The following DERL1 variants were observed in gnomAD, a reference collection of about 807,000 sequenced individuals.
DERL1 encodes the protein derlin 1.
Under a neutral mutation model 41.6 loss-of-function variants are expected in DERL1, and 24 were observed. The ratio of observed to expected loss-of-function variants is 0.58; its 90% confidence interval spans 0.42 to 0.81. The LOEUF is 0.81. DERL1 is among the 30% of genes least tolerant of loss of function. The pLI is 0.00. For missense variants in DERL1, 260 were observed against 314.3 expected (o/e 0.83, Z 1.31); for synonymous variants, 124 against 112.5 (o/e 1.10, Z -0.65).
chr8:123,025,119 A>T (rs1347495619), intron 2 of DERL1, 69 bp from the exon 3 acceptor site: 1 of 1,507,008 alleles, frequency 6.6e-7, no homozygotes, highest in Non-Finnish European at 9.0e-7. Context: ...ACATAGAGAA[A>T]CACTTCAAAA....
intron 1 of DERL1, among the ~76,000 whole-genome samples, chr8:123,031,085 G>A (rs1812808630): frequency 6.6e-6 from 1 of 152,078 alleles, no homozygotes; most frequent in Admixed American, 6.5e-5. Context: ...CTCTATTTAG[G>A]GAAAGAATAT....
At chr8:123,040,199 C>T (rs1813015715) in intron 1 of DERL1, among the ~76,000 whole-genome samples, 1 of 152,036 alleles carries the variant, frequency 6.6e-6, no homozygotes, top group Non-Finnish European at 1.5e-5. Flanking sequence ...GCCTGGGCAA[C>T]AGAGCGAGAC....
In DERL1 at chr8:123,042,045, G is replaced by A; in HGVS notation, c.78C>T (p.Pro26=). Residue 26 remains proline, a synonymous_variant, in exon 1 of 8, where the codon CCC becomes CCT. Coordinates refer to ENST00000259512, the MANE Select transcript of DERL1 (RefSeq NM_024295.6). ...TGATGAGGCCGAGTTTGCCGACCAA[G>A]GGCACGGCGACGGTGGCGGCGAACC... ...RYWFAATVAV[P]LVGKLGLISP... is the part of the protein sequence containing the mutation. 6.2e-7 allele frequency: 1 copy of A among 1,613,918 alleles called. No individual in the cohort carries two copies.
chr8:123,025,153 G>C, intron 2 of DERL1, 103 bp from the exon 3 acceptor site: 1 of 1,223,894 alleles, frequency 8.2e-7, no homozygotes. Flanking sequence ...GCCAAAATGA[G>C]AACATTTTAA....
intron 2 of DERL1, chr8:123,025,850 G>A (rs1812676070): frequency 1.3e-5 from 2 of 152,168 alleles, no homozygotes; most frequent in Non-Finnish European, 2.9e-5. Flanking sequence ...GTTAGAACCA[G>A]AGTGACATCA....
chr8:123,033,585 AAC>A (rs1197352041), intron 1 of DERL1, among the ~76,000 whole-genome samples: 2 of 152,138 alleles, frequency 1.3e-5, no homozygotes, highest in Non-Finnish European at 2.9e-5. Flanking sequence ...CTCTACTAAA[AAC>A]ACAAAATTAG....
chr8:123,018,893 T>C (rs1814678923), intron 7 of DERL1: 3 of 365,464 alleles, frequency 8.2e-6, no homozygotes, highest in Admixed American at 4.7e-5. Flanking sequence ...ACCAGCCTAC[T>C]GTTTCGCACT....
intron 1 of DERL1, 67 bp downstream of exon 1, chr8:123,041,903 C>T: frequency 6.7e-7 from 1 of 1,489,158 alleles, no homozygotes; most frequent in South Asian, 1.3e-5. Context: ...ACATGCCAGC[C>T]TACGCTTAGC....
chr8:123,023,715 G>T lies in DERL1; in HGVS notation c.355C>A (p.Gln119Lys), dbSNP rs1441864457. The change falls in exon 4 of 8, where the codon CAG (glutamine) becomes AAG (lysine). Residue 119 changes from glutamine (Q) to lysine (K), a missense_variant and splice_region_variant. Physicochemically the swap from Gln to Lys is moderately conservative, Grantham distance 53 (BLOSUM62 1). Coordinates refer to ENST00000259512, the MANE Select transcript of DERL1 (RefSeq NM_024295.6). ...AGATAGTTTAAATGGACACTTACCT[G>T]CATATCCATTGCTAAGCCAGTAATC... Reference protein sequence around the residue: ...IVITGLAMDMQLLMIPLIMSV... With the variant: ...IVITGLAMDMKLLMIPLIMSV... 8 of 1,608,488 alleles carry T rather than the reference G, an allele frequency of 5.0e-6. No individual in the cohort carries two copies. Among genetic ancestry groups the T allele is most frequent in the Non-Finnish European group, 6.8e-6 (8 of 1,177,510 alleles).
At chr8:123,022,530 T>C (rs1339384241) in intron 5 of DERL1, among the ~76,000 whole-genome samples, 154 bp downstream of exon 5, 1 of 152,134 alleles carries the variant, frequency 6.6e-6, no homozygotes, top group Non-Finnish European at 1.5e-5. Context: ...GCTAATTAAA[T>C]AGAGCTGGGA....
intron 7 of DERL1, chr8:123,016,512 T>TA (rs1386126905): frequency 6.6e-6 from 1 of 152,216 alleles, no homozygotes. Flanking sequence ...CTAGAGCAGT[T>TA]ACTATGTGAA....
Position 123,041,966 on chromosome 8 carries a change from G to T in DERL1, c.153+4C>A, listed in dbSNP as rs1339584315. 1 of 1,606,304 alleles carries T rather than the reference G, an allele frequency of 6.2e-7. No homozygotes were observed. The highest frequency in any genetic ancestry group is 1.1e-5 in the South Asian group (1 of 90,376). On this transcript the variant is annotated splice_donor_region_variant and intron_variant, in intron 1 of 7. Coordinates refer to ENST00000259512, the MANE Select transcript of DERL1 (RefSeq NM_024295.6). ...TCTCCACGCCCCCCGTCTCCGGTAA[G>T]TACCTGAAAGCGATAAAGGAAGGCT...
intron 1 of DERL1, among the ~76,000 whole-genome samples, chr8:123,039,991 G>A (rs1243420544): frequency 1.3e-5 from 2 of 152,352 alleles, no homozygotes; most frequent in East Asian, 3.9e-4. Context: ...GCTGAGGCGG[G>A]TGGATCACCT....
At chr8:123,040,425 G>C (rs916211523) in intron 1 of DERL1, among the ~76,000 whole-genome samples, 1 of 152,206 alleles carries the variant, frequency 6.6e-6, no homozygotes, top group African/African-American at 2.4e-5. Context: ...GCCCTGAGGA[G>C]AGATCCAGAT....
intron 1 of DERL1, among the ~76,000 whole-genome samples, chr8:123,037,780 G>A (rs1342830435): frequency 6.6e-6 from 1 of 152,142 alleles, no homozygotes; most frequent in African/African-American, 2.4e-5. Flanking sequence ...CTTATCTCAG[G>A]ATGACTGTCA....
chr8:123,015,532 G>C lies in DERL1; in HGVS notation c.671C>G (p.Pro224Arg), dbSNP rs973758787. Residue 224 changes from proline to arginine, a missense_variant, in exon 8 of 8, where the codon CCT becomes CGT. Coordinates refer to ENST00000259512, the MANE Select transcript of DERL1 (RefSeq NM_024295.6). ...ATCAGCAGCTCGCCTCATGCTAGCA[G>C]GGGGCACACCAAATCCTGATACTCC... ...RGGVSGFGVP[P>R]ASMRRAADQN... 2 of 1,612,888 alleles carry C rather than the reference G, an allele frequency of 1.2e-6. No homozygotes were observed. Among genetic ancestry groups the C allele is most frequent in the Non-Finnish European group, 1.7e-6 (2 of 1,179,572 alleles).
chr8:123,021,637 G>A, intron 5 of DERL1, 138 bp from the exon 6 acceptor site: 1 of 740,910 alleles, frequency 1.3e-6, no homozygotes, highest in Non-Finnish European at 2.4e-6. Context: ...AAAATTTCTA[G>A]GATCAATCTA....
intron 1 of DERL1, among the ~76,000 whole-genome samples, chr8:123,035,621 A>G (rs1812909543): frequency 6.6e-6 from 1 of 152,196 alleles, no homozygotes; most frequent in South Asian, 2.1e-4. Context: ...CCTCAAGGCC[A>G]GGCCCATAAT....
At position 123,021,495 on chromosome 8, in the gene DERL1, C is replaced by G. The variant is rs1814766189; in HGVS notation, c.458G>C (p.Cys153Ser). The change falls in exon 6 of 8, where the codon TGC becomes TCC. Residue 153 changes from cysteine to serine, a missense_variant. Transcript: ENST00000259512. The part of the protein sequence containing the change: ...SFWFGTRFKA[C>S]YLPWVILGFN... ...TCCAAGGATAACCCAGGGTAAATAG[C>G]AGGCCTAGGATGGAATGAATATATG... 6.2e-7 allele frequency: 1 copy of G among 1,613,542 alleles called. No homozygotes were observed. Among genetic ancestry groups the G allele is most frequent in the Admixed American group, 1.7e-5 (1 of 59,984 alleles).
Sources: allele counts gnomAD v4.1 joint callset (sites outside exome capture counted in the v4.1 genomes callset), GRCh38; gene constraint gnomAD v4.1.1; transcripts MANE v1.5; gene names NCBI Gene and HGNC (gene_info 2026-07-23, HGNC 2026-07-21).